Variants in DENND2B observed in about 807,000 individuals in gnomAD.
DENND2B encodes the protein DENN domain containing 2B, also known as DENN domain-containing protein 2B.
DENND2B carries 32 observed loss-of-function variants against 116.0 expected under a neutral mutation model. That is an observed-to-expected ratio of 0.28 (90% CI 0.21 to 0.37). DENND2B has a LOEUF of 0.37. DENND2B is among the 10% of genes least tolerant of loss of function. DENND2B has a pLI of 1.00. For synonymous variants in DENND2B, 588 were observed against 583.9 expected, an observed-to-expected ratio of 1.01 and a Z score of -0.10; for missense variants, 1,276 against 1,477.7, an observed-to-expected ratio of 0.86 and a Z score of 2.24.
At chr11:8,762,136 A>G (rs1364260650) in intron 1 of DENND2B, among the ~76,000 whole-genome samples, 2 of 152,184 alleles carry the variant, frequency 1.3e-5, no homozygotes, top group African/African-American at 4.8e-5. Flanking sequence ...AAAACTCTCA[A>G]AACCATAGCT....
chr11:8,708,483 T>TA, intron 11 of DENND2B: 1 of 368,720 alleles, frequency 2.7e-6, no homozygotes, highest in East Asian at 1.6e-4. Flanking sequence ...TTCAAAAAGA[T>TA]AAAGCCATTG....
intron 1 of DENND2B, among the ~76,000 whole-genome samples, chr11:8,780,799 C>T (rs1305072016): frequency 6.6e-6 from 1 of 152,066 alleles, no homozygotes; most frequent in Non-Finnish European, 1.5e-5. Flanking sequence ...AAGTGGTCCA[C>T]GAGGGCTAAT....
intron 4 of DENND2B, among the ~76,000 whole-genome samples, chr11:8,725,054 T>C (rs1186181745): frequency 6.6e-6 from 1 of 152,234 alleles, no homozygotes; most frequent in Non-Finnish European, 1.5e-5. Flanking sequence ...ATAAAGTCCT[T>C]TGCGACCCAG....
At chr11:8,799,998 G>GGCTAGAGT (rs2060183030) in intron 1 of DENND2B, among the ~76,000 whole-genome samples, 1 of 151,014 alleles carries the variant, frequency 6.6e-6, no homozygotes, top group Admixed American at 6.6e-5. Context: ...CTGTCACCCA[G>GGCTAGAGT]GCTAGAGTGC....
intron 4 of DENND2B, among the ~76,000 whole-genome samples, chr11:8,838,278 C>T (rs1368957123): frequency 6.6e-6 from 1 of 152,144 alleles, no homozygotes; most frequent in East Asian, 1.9e-4. Flanking sequence ...CTGTCTTCTT[C>T]ACCATGAAAT....
intron 2 of DENND2B, among the ~76,000 whole-genome samples, chr11:8,865,469 G>C (rs1378202458): frequency 1.3e-5 from 2 of 152,074 alleles, no homozygotes; most frequent in Admixed American, 6.6e-5. Flanking sequence ...GGTCTAAAAA[G>C]AGAGACTTGT....
At chr11:8,849,066 T>G (rs930401357) in intron 3 of DENND2B, among the ~76,000 whole-genome samples, 1 of 152,156 alleles carries the variant, frequency 6.6e-6, no homozygotes, top group African/African-American at 2.4e-5. Context: ...GATGTAATTT[T>G]TTTTTTCCTA....
At chr11:8,892,753 T>G (rs1159189037) in intron 1 of DENND2B, among the ~76,000 whole-genome samples, 2 of 152,116 alleles carry the variant, frequency 1.3e-5, no homozygotes, top group African/African-American at 4.8e-5. Context: ...AGGCAATAAT[T>G]AATAGCTTAC....
At chr11:8,772,832 C>A (rs1475758821) in intron 1 of DENND2B, among the ~76,000 whole-genome samples, 1 of 152,022 alleles carries the variant, frequency 6.6e-6, no homozygotes, top group Non-Finnish European at 1.5e-5. Context: ...TCAAGCCTGC[C>A]TTTCCAGGGG....
At chr11:8,902,038 G>T (rs773487411) in intron 1 of DENND2B, among the ~76,000 whole-genome samples, 49 of 152,094 alleles carry the variant, frequency 3.2e-4, no homozygotes, top group Non-Finnish European at 3.1e-4. Context: ...TATTAAGACT[G>T]AGGATTGGGC....
upstream of DENND2B, among the ~76,000 whole-genome samples, chr11:8,875,358 T>C (rs1265380350): frequency 6.7e-6 from 1 of 149,688 alleles, no homozygotes; most frequent in Non-Finnish European, 1.5e-5. Context: ...ATTTTCTAAA[T>C]TGCACTGAGT....
intron 19 of DENND2B, 103 bp downstream of exon 19, chr11:8,695,360 G>T (rs1171208610): frequency 4.6e-6 from 5 of 1,086,922 alleles, no homozygotes; most frequent in Admixed American, 1.7e-5. Flanking sequence ...TACAGCCCCA[G>T]TATAACACCT....
intron 4 of DENND2B, among the ~76,000 whole-genome samples, chr11:8,818,090 C>T (rs1316040080): frequency 4.1e-5 from 1 of 24,168 alleles, no homozygotes; most frequent in South Asian, 1.3e-3. Context: ...GGCAAAACTC[C>T]GTCTCTACTA....
intron 3 of DENND2B, among the ~76,000 whole-genome samples, chr11:8,842,756 G>C (rs1424159686): frequency 6.6e-6 from 1 of 152,092 alleles, no homozygotes; most frequent in Non-Finnish European, 1.5e-5. Flanking sequence ...TCATGATGGA[G>C]ACATCATGAA....
intron 5 of DENND2B, among the ~76,000 whole-genome samples, chr11:8,717,133 CAGA>C (rs1332445093): frequency 3.3e-4 from 50 of 152,332 alleles, no homozygotes; most frequent in Non-Finnish European, 1.8e-4. Flanking sequence ...TGGACAAGGA[CAGA>C]AGGAGCTGAA....
chr11:8,722,830 C>G (rs993084612), intron 4 of DENND2B, among the ~76,000 whole-genome samples: 3 of 152,118 alleles, frequency 2.0e-5, no homozygotes, highest in African/African-American at 7.2e-5. Context: ...CAAACTGGTG[C>G]CTGGGTCGCT....
At chr11:8,722,946 C>T (rs541044852) in intron 4 of DENND2B, among the ~76,000 whole-genome samples, 57 of 152,324 alleles carry the variant, frequency 3.7e-4, no homozygotes, top group Non-Finnish European at 7.6e-4. Flanking sequence ...TCTGCCCACA[C>T]AGCGCTGACC....
chr11:8,757,439 C>G (rs1187534673), intron 1 of DENND2B, among the ~76,000 whole-genome samples: 2 of 152,088 alleles, frequency 1.3e-5, no homozygotes, highest in Non-Finnish European at 2.9e-5. Context: ...ACAGTCCCTG[C>G]CCTGGAGAAG....
chr11:8,702,637 C>G lies in DENND2B; in HGVS notation c.2655G>C (p.Gln885His). 6.2e-7 allele frequency: 1 copy of G among 1,613,944 alleles called. No individual in the cohort carries two copies. Among genetic ancestry groups the G allele is most frequent in the Non-Finnish European group, 8.5e-7 (1 of 1,180,036 alleles). The stretch of plus-strand genomic sequence containing the variant: ...GCAGTGAGGCAAAGATTCGGATGAG[C>G]TGGCGCACACTGAGGCAGGTAAAAA... ...ECLFTCLSVR[Q>H]LIRIFASLLL... The change falls in exon 14 of 20, where the codon CAG (glutamine) becomes CAC (histidine). Residue 885 changes from glutamine to histidine, a missense_variant. Around this residue, in one of 2 missense-constraint regions of DENND2B, gnomAD observed 420 missense variants for 631.1 expected, o/e 0.67. Coordinates refer to ENST00000313726, the MANE Select transcript of DENND2B (RefSeq NM_213618.2). The surrounding 1 kb of genome is among the most constrained non-coding windows in gnomAD (Gnocchi z 4.6).
Sources: allele counts gnomAD v4.1 joint callset (sites outside exome capture counted in the v4.1 genomes callset), GRCh38; gene constraint gnomAD v4.1.1; regional missense constraint gnomAD v4.1.1; non-coding constraint Gnocchi (gnomAD v3.1); transcripts MANE v1.5; gene names NCBI Gene and HGNC (gene_info 2026-07-23, HGNC 2026-07-21).